Variants in RNF217 observed in about 807,000 individuals in gnomAD.
The protein encoded by RNF217 is E3 ubiquitin-protein ligase RNF217.
Under a neutral mutation model 57.8 loss-of-function variants are expected in RNF217, and 31 were observed. The ratio of observed to expected loss-of-function variants is 0.54; its 90% CI spans 0.40 to 0.72. The LOEUF (loss-of-function observed/expected upper bound fraction) is 0.72, where lower values mean the gene tolerates loss of function less well. RNF217 is among the 30% of genes least tolerant of loss of function. The pLI is 0.00. For missense variants in RNF217, 696 were observed against 708.3 expected, an observed-to-expected ratio of 0.98 and a Z score of 0.20; for synonymous variants, 313 against 294.0, an observed-to-expected ratio of 1.06 and a Z score of -0.66.
Position 124,988,739 on chromosome 6 carries a change from C to G in RNF217, c.882+25313C>G, listed in dbSNP as rs147814348. ...TCTTTAAACTTCTCTAATTAAAGTT[C>G]TTTAATCGTTAACACCTTTAATCTT... On this transcript the variant is annotated intron_variant, in intron 1 of 5. Coordinates refer to ENST00000521654, the MANE Select transcript of RNF217 (RefSeq NM_001286398.3). 9.9e-5 allele frequency among the ~76,000 whole-genome samples: 15 copies of G among 152,274 alleles called. No individual in the cohort carries two copies. In the East Asian group the frequency reaches 2.9e-3, roughly 29 times the overall value.
chr6:125,008,993 T>G (rs539535086), intron 1 of RNF217: 2 of 294,688 alleles, frequency 6.8e-6, no homozygotes, highest in East Asian at 1.1e-4. Flanking sequence ...GTTTAATGGT[T>G]GAAAATGATA....
At position 125,027,848 on chromosome 6, in the gene RNF217, T is replaced by C. The variant is rs554488455; in HGVS notation, c.883-17363T>C. Reference sequence around the variant, plus strand: ...CCTGTCTTTTGGATACAAGCTGTTTTAACTGGGGTGAGACGGTATCTCTTG... The same window carrying C: ...CCTGTCTTTTGGATACAAGCTGTTTCAACTGGGGTGAGACGGTATCTCTTG... On this transcript the variant is annotated intron_variant, in intron 1 of 5. Coordinates refer to ENST00000521654, the MANE Select transcript of RNF217 (RefSeq NM_001286398.3). Among the ~76,000 whole-genome samples, 16 of 152,344 alleles carry C rather than the reference T, an allele frequency of 1.1e-4. No homozygotes were observed. The South Asian group carries it at 3.3e-3, about 32-fold the overall frequency.
At chr6:125,063,373 T>C (rs189003072) in intron 3 of RNF217, among the ~76,000 whole-genome samples, 1 of 152,316 alleles carries the variant, frequency 6.6e-6, no homozygotes, top group Admixed American at 6.5e-5. Flanking sequence ...TATTTCTAGA[T>C]GACAGGAAGT....
At chr6:124,997,490 T>G (rs1331277588) in intron 1 of RNF217, among the ~76,000 whole-genome samples, 1 of 152,162 alleles carries the variant, frequency 6.6e-6, no homozygotes, top group Non-Finnish European at 1.5e-5. Flanking sequence ...CTCAAATACT[T>G]CTTAGGCAAA....
intron 1 of RNF217, chr6:124,971,547 C>A: frequency 3.5e-6 from 1 of 284,374 alleles, no homozygotes; most frequent in Non-Finnish European, 7.2e-6. Flanking sequence ...CCTCCACATC[C>A]CAGGTTCAAG....
intron 1 of RNF217, among the ~76,000 whole-genome samples, chr6:125,033,842 C>G (rs1198277688): frequency 6.6e-6 from 1 of 152,034 alleles, no homozygotes; most frequent in Admixed American, 6.5e-5. Context: ...TTCTCCACAT[C>G]CTCTCCAGCA....
intron 3 of RNF217, among the ~76,000 whole-genome samples, chr6:125,074,690 T>G (rs1788298726): frequency 6.6e-6 from 1 of 152,144 alleles, no homozygotes; most frequent in African/African-American, 2.4e-5. Context: ...CCCACCTCCA[T>G]AATCATTGAC....
intron 1 of RNF217, among the ~76,000 whole-genome samples, chr6:124,965,162 A>G (rs1183778374): frequency 1.3e-5 from 2 of 152,222 alleles, no homozygotes; most frequent in Non-Finnish European, 2.9e-5. Flanking sequence ...GTACAGTACA[A>G]CCACTAAAAA....
At chr6:125,063,580 A>G (rs1380139661) in intron 3 of RNF217, among the ~76,000 whole-genome samples, 1 of 152,092 alleles carries the variant, frequency 6.6e-6, no homozygotes, top group African/African-American at 2.4e-5. Context: ...GTCTCATCCA[A>G]ACTTCAGATG....
chr6:124,992,405 C>G (rs200089921), intron 1 of RNF217, among the ~76,000 whole-genome samples: 2 of 152,012 alleles, frequency 1.3e-5, no homozygotes, highest in Non-Finnish European at 2.9e-5. Flanking sequence ...AAATAAGAAA[C>G]TAAGAGGCTA....
Position 124,962,845 on chromosome 6 carries a change from T to C in RNF217, c.301T>C (p.Leu101=). The C allele has an allele frequency of 6.3e-7, 1 of 1,597,820 alleles. No individual in the cohort carries two copies. The highest frequency in any genetic ancestry group is 8.5e-7 in the Non-Finnish European group (1 of 1,179,580). The change falls in exon 1 of 6, where the codon TTG becomes CTG. Residue 101 remains leucine (L), a synonymous_variant. Coordinates refer to ENST00000521654, the MANE Select transcript of RNF217 (RefSeq NM_001286398.3). This position sits in a 1 kb window ranked among gnomAD's most constrained non-coding sequence, Gnocchi z 4.6. ...CACCGGGCCTCTCAATCCCCAGACCTTGCCACTGCAGTTGGAGCTGGAGGA... is the reference window on the plus strand; with the variant it reads ...CACCGGGCCTCTCAATCCCCAGACCCTGCCACTGCAGTTGGAGCTGGAGGA... ...ALTGPLNPQT[L]PLQLELEEEE...
chr6:125,065,749 G>A (rs1787910275), intron 3 of RNF217, among the ~76,000 whole-genome samples: 1 of 152,108 alleles, frequency 6.6e-6, no homozygotes, highest in African/African-American at 2.4e-5. Flanking sequence ...TTCTTTTCAG[G>A]TTTTAAGAGT....
rs1490176854 is a variant in RNF217 at position 125,082,400 on chromosome 6, A to G, written c.1556-464A>G. 11 of 1,504,270 alleles carry G rather than the reference A, an allele frequency of 7.3e-6. No homozygotes were observed. The East Asian group carries it at 1.7e-4, about 24-fold the overall frequency. 93.2% of individuals were successfully genotyped at this position (1,504,270 alleles called of 1,614,324 possible). ...AGTATCTGACATTTAAGTTCTTGCA[A>G]TGTGAGTTAGGACATTATGTAATAG... On this transcript the variant is annotated intron_variant, in intron 5 of 5. Coordinates refer to ENST00000521654, the MANE Select transcript of RNF217 (RefSeq NM_001286398.3).
chr6:125,085,721 T>C lies in RNF217; in HGVS notation c.*2784T>C, dbSNP rs1350926557. 1 of 151,940 alleles carries C rather than the reference T, an allele frequency of 6.6e-6. No individual in the cohort carries two copies. The highest frequency in any genetic ancestry group is 2.4e-5 in the African/African-American group (1 of 41,438). 9.4% of individuals were successfully genotyped at this position (151,940 alleles called of 1,614,324 possible). A position where few individuals can be genotyped will look rare whatever the true frequency, so the allele number is the denominator to read the frequency against. ...TTCTCTACTTACCCCACCTCTTATT[T>C]TCTAGGGGTAACCACTGTTAATGGT... On this transcript the variant is annotated 3_prime_UTR_variant, in exon 6 of 6. Transcript: ENST00000521654.
At position 125,045,194 on chromosome 6, in the gene RNF217, G is replaced by T. The variant is rs1277849104; in HGVS notation, c.883-17G>T. The T allele has an allele frequency of 3.9e-6, 6 of 1,548,762 alleles. No homozygotes were observed. The highest frequency in any genetic ancestry group is 3.6e-5 in the Admixed American group (2 of 55,282). On this transcript the variant is annotated splice_polypyrimidine_tract_variant and intron_variant, in intron 1 of 5. Transcript: ENST00000521654. ...CAGTGACGTTTTTTTCCTTCCATCT[G>T]CTCTTCCATCATGCAGGTACAACTT...
chr6:124,967,787 T>G (rs1783603574), intron 1 of RNF217, among the ~76,000 whole-genome samples: 1 of 152,186 alleles, frequency 6.6e-6, no homozygotes. Flanking sequence ...CATAAATTTT[T>G]TTTTTTCTTT....
chr6:125,067,623 T>G (rs1416535413), intron 3 of RNF217, among the ~76,000 whole-genome samples: 1 of 152,174 alleles, frequency 6.6e-6, no homozygotes, highest in Non-Finnish European at 1.5e-5. Context: ...TTAGAGTTAT[T>G]TATTTTTTGT....
intron 1 of RNF217, among the ~76,000 whole-genome samples, chr6:124,987,736 G>T (rs1784411264): frequency 6.6e-6 from 1 of 152,034 alleles, no homozygotes. Flanking sequence ...TCAACCCGTG[G>T]AATAGCTGGG....
At chr6:124,973,596 T>A (rs548894756) in intron 1 of RNF217, among the ~76,000 whole-genome samples, 2 of 152,328 alleles carry the variant, frequency 1.3e-5, no homozygotes, top group East Asian at 3.9e-4. Flanking sequence ...GTAAGGTAAC[T>A]ATTTGAATCG....
Sources: gnomAD v4.1 joint callset for allele counts (sites outside exome capture counted in the v4.1 genomes callset) on GRCh38, gnomAD v4.1.1 for gene constraint, Gnocchi (gnomAD v3.1) non-coding constraint, MANE v1.5 for transcripts, NCBI Gene and HGNC (gene_info 2026-07-23, HGNC 2026-07-21) for gene names.